REV3L: variants seen among roughly 807,000 people sequenced by gnomAD.
The protein encoded by REV3L is DNA polymerase zeta catalytic subunit.
A neutral mutation model predicts 299.4 loss-of-function variants in REV3L; 69 were observed. The observed-to-expected ratio is 0.23, with a 90% CI of 0.19 to 0.28. The LOEUF is 0.28. REV3L is among the 10% of genes least tolerant of loss of function. The probability of loss-of-function intolerance (pLI) is 1.00; values close to 1 mark genes in which losing one functional copy is unlikely to be tolerated. For synonymous variants in REV3L, 1,238 were observed against 1,271.4 expected (o/e 0.97, Z 0.56); for missense variants, 3,128 against 3,693.8 (o/e 0.85, Z 3.97).
chr6:111,382,799 C>A (rs1336332685), intron 9 of REV3L, among the ~76,000 whole-genome samples: 1 of 152,098 alleles, frequency 6.6e-6, no homozygotes, highest in African/African-American at 2.4e-5. Flanking sequence ...CCTCCCCCAA[C>A]CTTCACAGTC....
intron 1 of REV3L, chr6:111,431,497 C>T: frequency 1.0e-6 from 1 of 965,852 alleles, no homozygotes; most frequent in South Asian, 1.3e-5. Context: ...GAGCTAGCTC[C>T]AGGAAGCCCA....
intron 1 of REV3L, chr6:111,431,348 T>C (rs964739386): frequency 6.9e-6 from 7 of 1,018,592 alleles, no homozygotes; most frequent in Non-Finnish European, 1.1e-5. Context: ...GCCACCAGGA[T>C]GTCTGGACTC....
chr6:111,344,945 T>C (rs1371658847), intron 20 of REV3L, among the ~76,000 whole-genome samples: 1 of 152,208 alleles, frequency 6.6e-6, no homozygotes, highest in Non-Finnish European at 1.5e-5. Flanking sequence ...TTATCTACAA[T>C]TTCTGTCAAT....
intron 24 of REV3L, 103 bp downstream of exon 24, chr6:111,331,573 C>A: frequency 1.5e-6 from 1 of 645,720 alleles, no homozygotes; most frequent in East Asian, 3.0e-5. Flanking sequence ...CAAGCAAACT[C>A]GGTGTTTTTG....
chr6:111,446,348 T>C (rs188661467), intron 1 of REV3L, among the ~76,000 whole-genome samples: 1 of 152,310 alleles, frequency 6.6e-6, no homozygotes, highest in East Asian at 1.9e-4. Flanking sequence ...TTAATAATAA[T>C]GCTAGTGTAA....
intron 1 of REV3L, among the ~76,000 whole-genome samples, chr6:111,464,183 A>T (rs1054095799): frequency 6.6e-6 from 1 of 152,202 alleles, no homozygotes; most frequent in Non-Finnish European, 1.5e-5. Flanking sequence ...GAACTGTGCA[A>T]GGAGAAAAGT....
At chr6:111,316,474 G>A (rs185477457) in intron 26 of REV3L, among the ~76,000 whole-genome samples, 12 of 151,874 alleles carry the variant, frequency 7.9e-5, no homozygotes, top group African/African-American at 2.9e-4. Context: ...GACCAGCCTG[G>A]CCAACATGGC....
intron 25 of REV3L, among the ~76,000 whole-genome samples, chr6:111,328,982 G>T (rs1052254045): frequency 6.6e-5 from 10 of 152,154 alleles, no homozygotes; most frequent in African/African-American, 2.4e-4. Context: ...GCCCAGGCTG[G>T]TCTCAAACTC....
chr6:111,469,375 T>C (rs913237731), intron 1 of REV3L, among the ~76,000 whole-genome samples: 4 of 152,148 alleles, frequency 2.6e-5, no homozygotes, highest in South Asian at 2.1e-4. Context: ...ATCTGAACTG[T>C]TGAATAAATT....
At chr6:111,382,478 G>A (rs923847920) in intron 9 of REV3L, among the ~76,000 whole-genome samples, 8 of 152,128 alleles carry the variant, frequency 5.3e-5, no homozygotes, top group Non-Finnish European at 7.3e-5. Flanking sequence ...GGAAAGCAAC[G>A]TCCCTGTCAC....
chr6:111,393,042 A>ATT (rs909778519), intron 4 of REV3L, 70 bp from the exon 5 acceptor site: 542 of 883,970 alleles, frequency 6.1e-4, no homozygotes, highest in Non-Finnish European at 6.6e-4. Context: ...TAGAAGGTAA[A>ATT]TTTTTTTTTT....
chr6:111,430,628 C>T (rs745591591), intron 1 of REV3L: 137 of 1,525,706 alleles, frequency 9.0e-5, no homozygotes, highest in Non-Finnish European at 1.2e-4. Context: ...GTGGGGAGGA[C>T]AGAGGCTGCT....
chr6:111,338,237 T>C (rs1001155639), intron 21 of REV3L, among the ~76,000 whole-genome samples: 5 of 151,010 alleles, frequency 3.3e-5, no homozygotes, highest in Middle Eastern at 6.9e-3. Context: ...TGAAGTATGT[T>C]GACGATAATT....
chr6:111,315,542 A>T, intron 26 of REV3L, 161 bp from the exon 27 acceptor site: 1 of 598,206 alleles, frequency 1.7e-6, no homozygotes. Flanking sequence ...CTCCTGTTTT[A>T]TTACTTTCCT....
At chr6:111,453,764 A>G (rs1305227301) in intron 1 of REV3L, among the ~76,000 whole-genome samples, 1 of 152,044 alleles carries the variant, frequency 6.6e-6, no homozygotes, top group African/African-American at 2.4e-5. Flanking sequence ...CGGGTAGATC[A>G]CTTGAGGTCA....
Position 111,375,554 on chromosome 6 carries a change from GACTC to G in REV3L, c.2797_2800del (p.Glu933GlnfsTer4), listed in dbSNP as rs1308210514. 6.2e-7 allele frequency: 1 copy of G among 1,613,620 alleles called. No homozygotes were observed. ...TTTTGAGTTGTGAGTTACAAAACTT[GACTC>G]ACTGTCTTCAGTCTCATAATTTACC... On this transcript the variant is annotated frameshift_variant, in exon 13 of 32. Coordinates refer to ENST00000368802, the MANE Select transcript of REV3L (RefSeq NM_001372078.1). LOFTEE classifies it high-confidence loss of function.
At chr6:111,406,858 A>G (rs757238667) in intron 3 of REV3L, among the ~76,000 whole-genome samples, 1 of 152,236 alleles carries the variant, frequency 6.6e-6, no homozygotes, top group Non-Finnish European at 1.5e-5. Flanking sequence ...CAGCAGAGGT[A>G]ACTAACATTT....
intron 14 of REV3L, among the ~76,000 whole-genome samples, chr6:111,365,651 G>C (rs534873989): frequency 6.6e-6 from 1 of 152,192 alleles, no homozygotes; most frequent in Non-Finnish European, 1.5e-5. Flanking sequence ...AGGAAGAAAA[G>C]ACATAATCTC....
In REV3L at chr6:111,375,642, C is replaced by T; in HGVS notation, c.2713G>A (p.Glu905Lys). 6.2e-7 allele frequency: 1 copy of T among 1,613,918 alleles called. No individual in the cohort carries two copies. Among genetic ancestry groups the T allele is most frequent in the Non-Finnish European group, 8.5e-7 (1 of 1,179,904 alleles). The change falls in exon 13 of 32, where the codon GAA becomes AAA. Residue 905 changes from glutamate to lysine, a missense_variant. Coordinates refer to ENST00000368802, the MANE Select transcript of REV3L (RefSeq NM_001372078.1). ...IDCHFGDGTLETEQSFGLYGN... is the reference protein window; with the variant it reads ...IDCHFGDGTLKTEQSFGLYGN... ...TATAGTCCAAAGGACTGCTCAGTTT[C>T]TAACGTTCCATCTCCAAAGTGACAG...
Sources: allele counts gnomAD v4.1 joint callset (sites outside exome capture counted in the v4.1 genomes callset), GRCh38; gene constraint gnomAD v4.1.1; transcripts MANE v1.5; gene names NCBI Gene and HGNC (gene_info 2026-07-23, HGNC 2026-07-21).